Variants in DNAJC6 observed in about 807,000 individuals in gnomAD.
DNAJC6 encodes the protein DnaJ heat shock protein family (Hsp40) member C6.
A neutral mutation model predicts 110.0 loss-of-function variants in DNAJC6; 34 were observed. That is an observed-to-expected ratio of 0.31 (90% CI 0.24 to 0.41). The LOEUF (loss-of-function observed/expected upper bound fraction) is 0.41, where lower values mean the gene tolerates loss of function less well. DNAJC6 is among the 10% of genes least tolerant of loss of function. DNAJC6 has a pLI of 1.00. For missense variants in DNAJC6, 1,031 were observed against 1,207.8 expected (o/e 0.85, Z 2.17); for synonymous variants, 406 against 437.2 (o/e 0.93, Z 0.89).
intron 1 of DNAJC6, among the ~76,000 whole-genome samples, chr1:65,341,580 A>C (rs1211919543): frequency 6.6e-6 from 1 of 152,172 alleles, no homozygotes; most frequent in East Asian, 1.9e-4. Flanking sequence ...TTCACACCAC[A>C]AAGGGACTTG....
intron 2 of DNAJC6, 52 bp downstream of exon 2, chr1:65,364,837 T>C (rs1302285268): frequency 6.3e-7 from 1 of 1,599,390 alleles, no homozygotes; most frequent in Non-Finnish European, 8.5e-7. Context: ...TCTCAAAGGA[T>C]CTGGTTACCT....
chr1:65,326,715 C>G (rs1057311905), intron 1 of DNAJC6, among the ~76,000 whole-genome samples: 1 of 152,150 alleles, frequency 6.6e-6, no homozygotes, highest in Admixed American at 6.5e-5. Flanking sequence ...GCCCTTCACT[C>G]TCTCTGAAGA....
rs2101174582 is a variant in DNAJC6, at chr1:65,277,640, T to C, written c.-131+12708T>C. Among the ~76,000 whole-genome samples the C allele has an allele frequency of 2.7e-5, 4 of 150,476 alleles. No homozygotes were observed. The South Asian group carries it at 8.5e-4, about 32-fold the overall frequency. On this transcript the variant is annotated intron_variant, in intron 1 of 19. Transcript: ENST00000263441. ...AGGGTTTTCAAAGGGGGACTTGACA[T>C]GAATGGCATGCAGGGGAGGGGGTGA...
At chr1:65,364,824 T>C (rs1645630835) in intron 2 of DNAJC6, 39 bp downstream of exon 2, 1 of 1,608,374 alleles carries the variant, frequency 6.2e-7, no homozygotes, top group Non-Finnish European at 8.5e-7. Context: ...TGGATCCCCA[T>C]GCTCTCAAAG....
chr1:65,379,768 G>T, intron 5 of DNAJC6: 1 of 370,372 alleles, frequency 2.7e-6, no homozygotes, highest in Non-Finnish European at 4.7e-6. Flanking sequence ...TCTAGAATGT[G>T]CTAAGTATTA....
intron 1 of DNAJC6, among the ~76,000 whole-genome samples, chr1:65,313,862 T>C (rs1329392858): frequency 3.9e-5 from 6 of 152,152 alleles, no homozygotes; most frequent in Non-Finnish European, 8.8e-5. Flanking sequence ...CATTTAAAGG[T>C]CATCCTGTCA....
chr1:65,336,365 G>A (rs1268841368), intron 1 of DNAJC6, among the ~76,000 whole-genome samples: 1 of 152,036 alleles, frequency 6.6e-6, no homozygotes, highest in African/African-American at 2.4e-5. Flanking sequence ...CAACACATGG[G>A]GATTATCGGA....
chr1:65,304,182 T>C (rs907161909), intron 1 of DNAJC6, among the ~76,000 whole-genome samples: 1 of 152,136 alleles, frequency 6.6e-6, no homozygotes, highest in Non-Finnish European at 1.5e-5. Context: ...TTTCATGATA[T>C]TGGGTTATCT....
intron 13 of DNAJC6, among the ~76,000 whole-genome samples, chr1:65,396,878 A>G (rs368896815): frequency 6.6e-6 from 1 of 152,134 alleles, no homozygotes; most frequent in South Asian, 2.1e-4. Flanking sequence ...CATTTTTCCC[A>G]TCAAAGTTTC....
At chr1:65,321,693 G>A (rs1469794114) in intron 1 of DNAJC6, among the ~76,000 whole-genome samples, 1 of 152,198 alleles carries the variant, frequency 6.6e-6, no homozygotes, top group African/African-American at 2.4e-5. Flanking sequence ...ATCCAGTGAA[G>A]TAGGTGGTAT....
chr1:65,318,999 C>T (rs76285614), intron 1 of DNAJC6, among the ~76,000 whole-genome samples: 36 of 152,110 alleles, frequency 2.4e-4, no homozygotes, highest in African/African-American at 7.7e-4. Flanking sequence ...TGCAGTTTAG[C>T]TGATGACCTG....
At chr1:65,349,345 G>A (rs1490077789) in intron 1 of DNAJC6, among the ~76,000 whole-genome samples, 1 of 151,690 alleles carries the variant, frequency 6.6e-6, no homozygotes, top group Admixed American at 6.6e-5. Flanking sequence ...TTGCAACAGT[G>A]ATCTTTCAGA....
chr1:65,290,081 A>T (rs1376679485), intron 1 of DNAJC6, among the ~76,000 whole-genome samples: 2 of 152,134 alleles, frequency 1.3e-5, no homozygotes, highest in Non-Finnish European at 2.9e-5. Flanking sequence ...AAGTGCTGGG[A>T]TTACTGGTAT....
At chr1:65,412,758 G>T (rs1000426862) in intron 18 of DNAJC6, among the ~76,000 whole-genome samples, 166 bp from the exon 19 acceptor site, 1 of 152,138 alleles carries the variant, frequency 6.6e-6, no homozygotes, top group South Asian at 2.1e-4. Context: ...ATTATGGGGA[G>T]GTTATAGTAA....
intron 11 of DNAJC6, 134 bp from the exon 12 acceptor site, chr1:65,392,297 A>G (rs1253695665): frequency 1.3e-6 from 1 of 790,286 alleles, no homozygotes; most frequent in African/African-American, 1.8e-5. Flanking sequence ...TGTTCCACTG[A>G]TTAGGGTCTA....
At chr1:65,289,812 G>T (rs1480960153) in intron 1 of DNAJC6, among the ~76,000 whole-genome samples, 39 of 138,052 alleles carry the variant, frequency 2.8e-4, no homozygotes, top group African/African-American at 8.2e-4. Flanking sequence ...TGTCATTGTT[G>T]TTTTTTTTTT....
At chr1:65,285,186 C>A (rs1005476676) in intron 1 of DNAJC6, among the ~76,000 whole-genome samples, 2 of 152,220 alleles carry the variant, frequency 1.3e-5, no homozygotes, top group Admixed American at 6.5e-5. Context: ...AGCAATTGCT[C>A]TTCTTTCCTT....
intron 1 of DNAJC6, among the ~76,000 whole-genome samples, chr1:65,294,667 G>T (rs1644912603): frequency 6.6e-6 from 1 of 151,214 alleles, no homozygotes; most frequent in Admixed American, 6.6e-5. Flanking sequence ...TTGATTACAT[G>T]TTGAAATGGC....
intron 1 of DNAJC6, among the ~76,000 whole-genome samples, chr1:65,358,658 C>A (rs1219423937): frequency 6.6e-6 from 1 of 152,124 alleles, no homozygotes; most frequent in Non-Finnish European, 1.5e-5. Flanking sequence ...TGTGTTGTAG[C>A]CTGCTTATTT....
Sources: gnomAD v4.1 joint callset for allele counts (sites outside exome capture counted in the v4.1 genomes callset) on GRCh38, gnomAD v4.1.1 for gene constraint, MANE v1.5 for transcripts, NCBI Gene and HGNC (gene_info 2026-07-23, HGNC 2026-07-21) for gene names.